Variants in PALLD observed in about 807,000 individuals in gnomAD.
The protein encoded by PALLD is palladin.
In PALLD, 61 loss-of-function variants were observed where a neutral mutation model predicts 123.5. The observed-to-expected ratio is 0.49, with a 90% confidence interval of 0.40 to 0.61. PALLD has a LOEUF of 0.61. Among genes scored for constraint, PALLD ranks in the 20% least tolerant of loss-of-function variants. The pLI, the probability that PALLD is intolerant of heterozygous loss-of-function variation, is 0.00. For synonymous variants in PALLD, 465 were observed against 496.4 expected, an observed-to-expected ratio of 0.94 and a Z score of 0.84; for missense variants, 1,273 against 1,377.0, an observed-to-expected ratio of 0.92 and a Z score of 1.20.
chr4:168,536,751 G>A (rs747309564), intron 2 of PALLD, among the ~76,000 whole-genome samples: 1 of 152,120 alleles, frequency 6.6e-6, no homozygotes, highest in Non-Finnish European at 1.5e-5. Flanking sequence ...TTGACACTTG[G>A]GGATTATGGG....
At chr4:168,718,553 A>G (rs1033324234) in intron 10 of PALLD, among the ~76,000 whole-genome samples, 34 of 152,136 alleles carry the variant, frequency 2.2e-4, no homozygotes, top group African/African-American at 7.5e-4. Flanking sequence ...TTCAACTTAA[A>G]TTTGTTTTTT....
At chr4:168,717,476 G>A (rs998521428) in intron 10 of PALLD, among the ~76,000 whole-genome samples, 21 of 151,932 alleles carry the variant, frequency 1.4e-4, no homozygotes, top group African/African-American at 1.7e-4. Context: ...TCAGCCTCCC[G>A]AGTAGCTGGG....
Position 168,639,826 on chromosome 4 carries a change from G to C in PALLD, c.909-28364G>C, listed in dbSNP as rs866952969. On this transcript the variant is annotated intron_variant, in intron 2 of 21. Coordinates refer to ENST00000505667, the MANE Select transcript of PALLD (RefSeq NM_001166108.2). ...CCCAAAGTGCTGGGATTATAGGCGT[G>C]AGCCACCGTGCCCGGCCTGCCACTC... 2.0e-5 allele frequency among the ~76,000 whole-genome samples: 3 copies of C among 152,258 alleles called. No individual in the cohort carries two copies. In the South Asian group the frequency reaches 6.2e-4, roughly 32 times the overall value.
chr4:168,703,869 C>A (rs1783952326), intron 8 of PALLD, among the ~76,000 whole-genome samples: 1 of 148,264 alleles, frequency 6.7e-6, no homozygotes, highest in Non-Finnish European at 1.5e-5. Flanking sequence ...TGCCTGTTCA[C>A]TCTGATGGTA....
intron 2 of PALLD, among the ~76,000 whole-genome samples, chr4:168,641,970 G>T (rs557013532): frequency 6.6e-6 from 1 of 152,126 alleles, no homozygotes; most frequent in Non-Finnish European, 1.5e-5. Context: ...ATGTTGATTG[G>T]GCATGCACAG....
chr4:168,857,185 T>C (rs1748730910), intron 10 of PALLD, among the ~76,000 whole-genome samples: 2 of 152,204 alleles, frequency 1.3e-5, no homozygotes, highest in Non-Finnish European at 1.5e-5. Context: ...ACTCTGATTT[T>C]GTTAGCTAGC....
intron 1 of PALLD, among the ~76,000 whole-genome samples, chr4:168,510,866 T>C (rs1762467465): frequency 6.6e-6 from 1 of 152,194 alleles, no homozygotes; most frequent in Admixed American, 6.5e-5. Context: ...TGCCCATCCC[T>C]GGCATACAGC....
In PALLD at chr4:168,791,927, A is replaced by C. The variant is rs1437994990; in HGVS notation, c.1964+80004A>C. On this transcript the variant is annotated intron_variant, in intron 10 of 21. Transcript: ENST00000505667. ...AAAAAAAAGCAAACAAACAAAAAAA[A>C]CTGCTTTCCCCCTCCCAAGATAAGT... 5.3e-5 allele frequency among the ~76,000 whole-genome samples: 8 copies of C among 152,280 alleles called. No homozygotes were observed. The East Asian group carries it at 1.5e-3, about 29-fold the overall frequency.
At chr4:168,526,740 C>T (rs1176770524) in intron 2 of PALLD, among the ~76,000 whole-genome samples, 1 of 152,046 alleles carries the variant, frequency 6.6e-6, no homozygotes, top group Non-Finnish European at 1.5e-5. Flanking sequence ...CACAGCCTCA[C>T]CTGTATGGAT....
At chr4:168,906,994 T>A (rs549171750) in intron 15 of PALLD, among the ~76,000 whole-genome samples, 8 of 152,044 alleles carry the variant, frequency 5.3e-5, no homozygotes, top group African/African-American at 1.9e-4. Flanking sequence ...AGTACAGGGG[T>A]TATGAGCATG....
intron 10 of PALLD, among the ~76,000 whole-genome samples, chr4:168,802,537 A>C (rs1269200762): frequency 6.6e-6 from 1 of 152,212 alleles, no homozygotes; most frequent in Non-Finnish European, 1.5e-5. Flanking sequence ...GCACACATGG[A>C]CATAAACATG....
intron 15 of PALLD, among the ~76,000 whole-genome samples, chr4:168,912,308 G>A (rs1057081103): frequency 1.3e-5 from 2 of 152,198 alleles, no homozygotes; most frequent in Non-Finnish European, 1.5e-5. Flanking sequence ...AACTCACTAA[G>A]TCTAATCATT....
chr4:168,804,445 A>T (rs1739841990), intron 10 of PALLD, among the ~76,000 whole-genome samples: 1 of 152,232 alleles, frequency 6.6e-6, no homozygotes, highest in African/African-American at 2.4e-5. Context: ...ATAGTAGTTT[A>T]AAAAACTTTG....
intron 10 of PALLD, among the ~76,000 whole-genome samples, chr4:168,825,344 A>G (rs1743278753): frequency 6.6e-6 from 1 of 152,214 alleles, no homozygotes; most frequent in African/African-American, 2.4e-5. Flanking sequence ...AAAGATATAT[A>G]CTGCAAAATA....
At chr4:168,877,222 A>G (rs1751865922) in intron 10 of PALLD, among the ~76,000 whole-genome samples, 1 of 152,212 alleles carries the variant, frequency 6.6e-6, no homozygotes, top group Non-Finnish European at 1.5e-5. Flanking sequence ...CACCTGTGGT[A>G]TTTATTGAAT....
chr4:168,505,212 A>G (rs2319913), intron 1 of PALLD, among the ~76,000 whole-genome samples: 45,670 of 152,040 alleles, frequency 0.3, 7,346 homozygotes, highest in East Asian at 0.59. Context: ...AGCCTGAACC[A>G]GATATGCCAT....
At chr4:168,794,488 A>ACG in intron 10 of PALLD, among the ~76,000 whole-genome samples, 1 of 140,800 alleles carries the variant, frequency 7.1e-6, no homozygotes, top group Non-Finnish European at 1.5e-5. Flanking sequence ...GCACACACAC[A>ACG]TGCACGCACA....
rs78989032 is a variant in PALLD at position 168,533,142 on chromosome 4, T to C, written c.908+20730T>C. ...AAAATATACATCAAACCTTTGGGAG[T>C]TGAGGGAGAAGACTGGCTTTTTACT... is the stretch of plus-strand genomic sequence containing the variant. On this transcript the variant is annotated intron_variant, in intron 2 of 21. Transcript: ENST00000505667. Among the ~76,000 whole-genome samples, 12 of 152,212 alleles carry C rather than the reference T, an allele frequency of 7.9e-5. No homozygotes were observed. The East Asian group carries it at 2.1e-3, about 27-fold the overall frequency.
chr4:168,550,791 C>T (rs1357200946), intron 2 of PALLD, among the ~76,000 whole-genome samples: 2 of 152,166 alleles, frequency 1.3e-5, no homozygotes, highest in Non-Finnish European at 2.9e-5. Context: ...CCCTCAATTA[C>T]TAATTTAGTT....
Sources: allele counts gnomAD v4.1 joint callset (sites outside exome capture counted in the v4.1 genomes callset), GRCh38; gene constraint gnomAD v4.1.1; transcripts MANE v1.5; gene names NCBI Gene and HGNC (gene_info 2026-07-23, HGNC 2026-07-21).